The following NOS1 variants were observed in gnomAD, a reference collection of about 807,000 sequenced individuals.
NOS1 encodes the protein nitric oxide synthase 1.
NOS1 carries 51 observed loss-of-function variants against 164.5 expected under a neutral mutation model. That is an observed-to-expected ratio of 0.31 (90% CI 0.25 to 0.39). The LOEUF is 0.39. NOS1 is among the 10% of genes least tolerant of loss of function. NOS1 has a pLI of 1.00. For synonymous variants in NOS1, 719 were observed against 745.8 expected, an observed-to-expected ratio of 0.96 and a Z score of 0.59; for missense variants, 1,362 against 1,885.6, an observed-to-expected ratio of 0.72 and a Z score of 5.14.
intron 4 of NOS1, among the ~76,000 whole-genome samples, 157 bp downstream of exon 4, chr12:117,290,141 G>C (rs1460383506): frequency 6.6e-6 from 1 of 152,216 alleles, no homozygotes; most frequent in Non-Finnish European, 1.5e-5. Flanking sequence ...GTCACAACCT[G>C]GAAGGGGGCG....
chr12:117,310,018 C>T (rs1874352421), intron 3 of NOS1, among the ~76,000 whole-genome samples: 1 of 152,082 alleles, frequency 6.6e-6, no homozygotes, highest in Non-Finnish European at 1.5e-5. Context: ...GTGATTCTCC[C>T]ACCTCGGTCT....
intron 8 of NOS1, among the ~76,000 whole-genome samples, chr12:117,278,766 T>C (rs1873380897): frequency 6.6e-6 from 1 of 150,664 alleles, no homozygotes; most frequent in African/African-American, 2.4e-5. Flanking sequence ...ATAATATTAA[T>C]AATATACTCA....
intron 11 of NOS1, among the ~76,000 whole-genome samples, chr12:117,266,169 T>C (rs1872393198): frequency 1.3e-5 from 2 of 152,012 alleles, no homozygotes; most frequent in African/African-American, 4.8e-5. Context: ...CATGAGTAAG[T>C]TCTTTAGTGG....
At position 117,253,764 on chromosome 12, in the gene NOS1, C is replaced by A; in HGVS notation, c.2532-10G>T. The A allele has an allele frequency of 6.3e-7, 1 of 1,593,240 alleles. No homozygotes were observed. The highest frequency in any genetic ancestry group is 1.7e-4 in the Middle Eastern group (1 of 6,018). On this transcript the variant is annotated splice_polypyrimidine_tract_variant and intron_variant, in intron 16 of 28. Coordinates refer to ENST00000317775, the MANE Select transcript of NOS1 (RefSeq NM_000620.5). The stretch of plus-strand genomic sequence containing the variant: ...TCGGACCTTGTAGCTCCTGCCAAAA[C>A]CAAAGAGAACCTGTGAGCTCTGGCC...
At chr12:117,291,529 C>CTGTTTTTTTTTTT (rs1873057996) in intron 3 of NOS1, among the ~76,000 whole-genome samples, 1 of 97,376 alleles carries the variant, frequency 1.0e-5, no homozygotes, top group Non-Finnish European at 2.0e-5. Context: ...TTACATCTGT[C>CTGTTTTTTTTTTT]TTTTTTTTTT....
intron 17 of NOS1, among the ~76,000 whole-genome samples, chr12:117,249,482 G>A (rs985221804): frequency 6.6e-6 from 1 of 152,170 alleles, no homozygotes; most frequent in African/African-American, 2.4e-5. Context: ...GACATAACTA[G>A]ATTAGTTTTA....
intron 17 of NOS1, 141 bp from the exon 18 acceptor site, chr12:117,247,663 G>A (rs1407361904): frequency 3.0e-6 from 2 of 672,138 alleles, no homozygotes; most frequent in Admixed American, 7.1e-5. Context: ...TTGAGATAGG[G>A]CCTTTAAGGG....
In NOS1 at chr12:117,243,738, A is replaced by T. The variant is rs1870389634; in HGVS notation, c.2824-303T>A. Among the ~76,000 whole-genome samples, 1 of 150,780 alleles carries T rather than the reference A, an allele frequency of 6.6e-6. No individual in the cohort carries two copies. The highest frequency in any genetic ancestry group is 1.5e-5 in the Non-Finnish European group (1 of 67,754). On this transcript the variant is annotated intron_variant, in intron 18 of 28. Transcript: ENST00000317775. The surrounding 1 kb of genome is among the most constrained non-coding windows in gnomAD (Gnocchi z 4.3). ...CTCCCATCCATGTATCTATCTTTCC[A>T]TCCATCCATCCATCCACCCATCCAT...
At chr12:117,288,813 A>G (rs9658339) in intron 4 of NOS1, among the ~76,000 whole-genome samples, 23 of 152,272 alleles carry the variant, frequency 1.5e-4, no homozygotes, top group Middle Eastern at 3.4e-3. Flanking sequence ...ACTACATGTG[A>G]ACAAGCCCAA....
intron 2 of NOS1, among the ~76,000 whole-genome samples, chr12:117,314,954 C>T (rs1159893637): frequency 6.6e-6 from 1 of 152,180 alleles, no homozygotes; most frequent in African/African-American, 2.4e-5. Context: ...CCAGAGGCTA[C>T]AGAGCAAGTA....
At chr12:117,233,034 C>CTTTTTTTTTTTT (rs34474757) in intron 21 of NOS1, among the ~76,000 whole-genome samples, 2 of 88,364 alleles carry the variant, frequency 2.3e-5, no homozygotes, top group Non-Finnish European at 2.0e-5. Context: ...TGCCTCACTA[C>CTTTTTTTTTTTT]TTTTTTTTTT....
intron 17 of NOS1, among the ~76,000 whole-genome samples, chr12:117,251,801 G>A (rs1871121358): frequency 6.6e-6 from 1 of 151,574 alleles, no homozygotes; most frequent in Non-Finnish European, 1.5e-5. Flanking sequence ...GCGCCATCTC[G>A]GCTCACTGTA....
intron 18 of NOS1, among the ~76,000 whole-genome samples, chr12:117,244,586 AATG>A (rs1870470729): frequency 6.6e-6 from 1 of 152,236 alleles, no homozygotes. Flanking sequence ...AATTCAAAAT[AATG>A]ATAACTTTTA....
Position 117,208,373 on chromosome 12 carries a change from C to A in NOS1, c.*6936G>T. On this transcript the variant is annotated 3_prime_UTR_variant, in exon 29 of 29. Transcript: ENST00000317775. ...ATTGAGAGCTCAGAGGTAGGGGGGACGGCCGAGTTTCTGACAGCGTGTGTG... is the reference window on the plus strand; with the variant it reads ...ATTGAGAGCTCAGAGGTAGGGGGGAAGGCCGAGTTTCTGACAGCGTGTGTG... The A allele has an allele frequency of 8.1e-7, 1 of 1,230,954 alleles. No individual in the cohort carries two copies. The highest frequency in any genetic ancestry group is 1.3e-5 in the South Asian group (1 of 79,916). The allele number at this position is 1,230,954 out of a possible 1,614,324, so 76.3% of individuals were successfully genotyped here.
intron 18 of NOS1, chr12:117,245,411 T>C (rs1870541447): frequency 6.6e-6 from 1 of 152,194 alleles, no homozygotes; most frequent in East Asian, 1.9e-4. Context: ...CTTATCATGA[T>C]GGAAAGGTTC....
Position 117,264,498 on chromosome 12 carries a change from TTC to T in NOS1, c.2137-526_2137-525del, listed in dbSNP as rs146206441. Among the ~76,000 whole-genome samples the T allele has an allele frequency of 1.7e-3, 254 of 150,522 alleles. 2 individuals are homozygous for T. Among genetic ancestry groups the T allele is most frequent in the African/African-American group, 5.5e-3 (223 of 40,694 alleles). ...CTTTCTTTCCTTTCTTTCTCTTTCTTTCTCTCTCTCTCTCCCTTCCTTCCTTT... is the reference window on the plus strand; with the variant it reads ...CTTTCTTTCCTTTCTTTCTCTTTCTTTCTCTCTCTCTCCCTTCCTTCCTTT... On this transcript the variant is annotated intron_variant, in intron 12 of 28. Transcript: ENST00000317775.
intron 3 of NOS1, among the ~76,000 whole-genome samples, chr12:117,298,346 AT>A (rs1294781629): frequency 6.6e-6 from 1 of 152,074 alleles, no homozygotes; most frequent in Non-Finnish European, 1.5e-5. Context: ...AATGCGAGCG[AT>A]GGGGGCAGCT....
At chr12:117,338,560 A>G (rs1208273789) in intron 1 of NOS1, among the ~76,000 whole-genome samples, 1 of 151,958 alleles carries the variant, frequency 6.6e-6, no homozygotes, top group Non-Finnish European at 1.5e-5. Context: ...ACATGTATAC[A>G]TATGTAACTA....
chr12:117,256,044 G>C, intron 16 of NOS1: 1 of 1,394,896 alleles, frequency 7.2e-7, no homozygotes, highest in Non-Finnish European at 9.4e-7. Context: ...GTACCTAGAG[G>C]GGAGAATCGA....
Sources: allele counts gnomAD v4.1 joint callset (sites outside exome capture counted in the v4.1 genomes callset), GRCh38; gene constraint gnomAD v4.1.1; non-coding constraint Gnocchi (gnomAD v3.1); transcripts MANE v1.5; gene names NCBI Gene and HGNC (gene_info 2026-07-23, HGNC 2026-07-21).